Variants in SORCS2 observed in about 807,000 individuals in gnomAD.
The protein encoded by SORCS2 is sortilin related VPS10 domain containing receptor 2, also known as VPS10 domain-containing receptor SorCS2.
A neutral mutation model predicts 141.6 loss-of-function variants in SORCS2; 100 were observed. The ratio of observed to expected loss-of-function variants is 0.71; its 90% confidence interval spans 0.60 to 0.83. The LOEUF (loss-of-function observed/expected upper bound fraction) is 0.83. Ranked by LOEUF, SORCS2 falls within the 40% of genes least tolerant of loss-of-function variation. The pLI is 0.00. For missense variants in SORCS2, 1,646 were observed against 1,560.2 expected, an observed-to-expected ratio of 1.05 and a Z score of -0.93; for synonymous variants, 789 against 676.9, an observed-to-expected ratio of 1.17 and a Z score of -2.57.
intron 2 of SORCS2, among the ~76,000 whole-genome samples, chr4:7,402,515 C>T (rs1290127995): frequency 4.6e-5 from 7 of 152,134 alleles, no homozygotes; most frequent in Admixed American, 2.0e-4. Context: ...CCATGTAGCA[C>T]GTGTAATCTA....
intron 1 of SORCS2, among the ~76,000 whole-genome samples, chr4:7,342,546 G>C (rs1364038530): frequency 1.3e-5 from 2 of 152,116 alleles, no homozygotes; most frequent in Admixed American, 1.3e-4. Flanking sequence ...GCCAAGATGT[G>C]TCCTTTCACC....
At chr4:7,217,745 G>A (rs1476375204) in intron 1 of SORCS2, among the ~76,000 whole-genome samples, 1 of 152,202 alleles carries the variant, frequency 6.6e-6, no homozygotes, top group African/African-American at 2.4e-5. Context: ...AAGAGGAAAA[G>A]TCTCCAACTG....
chr4:7,554,221 T>C (rs1713939397), intron 3 of SORCS2, among the ~76,000 whole-genome samples: 2 of 152,202 alleles, frequency 1.3e-5, no homozygotes, highest in Admixed American at 1.3e-4. Flanking sequence ...CTGCACCCAC[T>C]TTCAAATACT....
chr4:7,362,792 C>T (rs1438722101), intron 1 of SORCS2, among the ~76,000 whole-genome samples: 1 of 151,772 alleles, frequency 6.6e-6, no homozygotes, highest in Non-Finnish European at 1.5e-5. Flanking sequence ...CTATTACCAT[C>T]ATGCCATCAC....
chr4:7,665,872 C>A (rs904604762), intron 7 of SORCS2, among the ~76,000 whole-genome samples: 5 of 152,186 alleles, frequency 3.3e-5, no homozygotes, highest in Non-Finnish European at 7.3e-5. Context: ...GCCTAAGACC[C>A]CCGGAGCTCA....
At chr4:7,550,771 T>C (rs4234825) in intron 3 of SORCS2, among the ~76,000 whole-genome samples, 146,870 of 152,300 alleles carry the variant, frequency 0.96, 71,025 homozygotes, top group South Asian at 1. Flanking sequence ...ATGGAGTCAT[T>C]TTACCAAACA....
At chr4:7,704,664 C>G (rs1298429349) in intron 14 of SORCS2, among the ~76,000 whole-genome samples, 1 of 152,246 alleles carries the variant, frequency 6.6e-6, no homozygotes, top group Non-Finnish European at 1.5e-5. Flanking sequence ...TCCTTCTGCT[C>G]AGCCCCAGCT....
In SORCS2 at chr4:7,714,222, C is replaced by G; in HGVS notation, c.1990-18C>G. 2 of 1,607,060 alleles carry G rather than the reference C, an allele frequency of 1.2e-6. No homozygotes were observed. Among genetic ancestry groups the G allele is most frequent in the African/African-American group, 1.3e-5 (1 of 74,954 alleles). On this transcript the variant is annotated intron_variant, in intron 15 of 26. Coordinates refer to ENST00000507866, the MANE Select transcript of SORCS2 (RefSeq NM_020777.3). ...GCCCTGTCTCAGGCAGCTCCTTACC[C>G]TGATGTTCCTGCTGCAGGGCGACCG...
chr4:7,255,336 T>C (rs1468399787), intron 1 of SORCS2, among the ~76,000 whole-genome samples: 1 of 152,132 alleles, frequency 6.6e-6, no homozygotes, highest in Admixed American at 6.5e-5. Flanking sequence ...GAGATCCTTG[T>C]TCATCTTCAT....
At chr4:7,593,756 C>A (rs1366980734) in intron 3 of SORCS2, among the ~76,000 whole-genome samples, 1 of 152,204 alleles carries the variant, frequency 6.6e-6, no homozygotes, top group Admixed American at 6.5e-5. Context: ...AGGACCACTG[C>A]AGCTGAGCGG....
chr4:7,637,147 C>G (rs533503203), intron 3 of SORCS2, among the ~76,000 whole-genome samples: 1 of 152,310 alleles, frequency 6.6e-6, no homozygotes, highest in Admixed American at 6.5e-5. Flanking sequence ...ACCCTATTTC[C>G]AAGTAAGATC....
At chr4:7,429,911 G>T (rs888646860) in intron 2 of SORCS2, among the ~76,000 whole-genome samples, 3 of 152,204 alleles carry the variant, frequency 2.0e-5, no homozygotes, top group South Asian at 2.1e-4. Context: ...CGGTGACTGT[G>T]GGAGGTGGGC....
chr4:7,235,243 C>T (rs535889286), intron 1 of SORCS2, among the ~76,000 whole-genome samples: 18 of 152,334 alleles, frequency 1.2e-4, no homozygotes, highest in African/African-American at 4.3e-4. Context: ...CCAGTTAGTA[C>T]CCCACCCTTC....
intron 4 of SORCS2, among the ~76,000 whole-genome samples, chr4:7,641,089 C>T (rs551567486): frequency 9.9e-4 from 151 of 152,314 alleles, no homozygotes; most frequent in African/African-American, 3.2e-3. Context: ...CCTGTGCCAC[C>T]GCAGGCCAGC....
chr4:7,676,333 C>G, intron 9 of SORCS2, 104 bp downstream of exon 9: 4 of 1,290,966 alleles, frequency 3.1e-6, no homozygotes. Context: ...GTCTATATAG[C>G]TGTCTCAAGG....
Position 7,393,348 on chromosome 4 carries a change from C to A in SORCS2, c.481-2940C>A, listed in dbSNP as rs192715455. Among the ~76,000 whole-genome samples, 49 of 152,236 alleles carry A rather than the reference C, an allele frequency of 3.2e-4. No homozygotes were observed. In the East Asian group the frequency reaches 8.1e-3, roughly 25 times the overall value. On this transcript the variant is annotated intron_variant, in intron 1 of 26. Coordinates refer to ENST00000507866, the MANE Select transcript of SORCS2 (RefSeq NM_020777.3). Reference sequence around the variant, plus strand: ...AAGAGCCCCAAGGCTAACACGTCAGCCACTGAAAAAAACTGTCCCGGGGAT... The same window carrying A: ...AAGAGCCCCAAGGCTAACACGTCAGACACTGAAAAAAACTGTCCCGGGGAT...
chr4:7,482,764 C>T (rs1190084962), intron 2 of SORCS2, among the ~76,000 whole-genome samples: 1 of 145,194 alleles, frequency 6.9e-6, no homozygotes, highest in Non-Finnish European at 1.5e-5. Context: ...CTGTTCAGAC[C>T]TGTATCCCCG....
At chr4:7,481,563 G>A (rs1730637023) in intron 2 of SORCS2, among the ~76,000 whole-genome samples, 1 of 152,184 alleles carries the variant, frequency 6.6e-6, no homozygotes, top group South Asian at 2.1e-4. Flanking sequence ...GGATGGTCCT[G>A]AATGTAACGT....
chr4:7,573,365 G>A (rs1183309637), intron 3 of SORCS2, among the ~76,000 whole-genome samples: 1 of 152,168 alleles, frequency 6.6e-6, no homozygotes, highest in Non-Finnish European at 1.5e-5. Context: ...CAAGACCTCG[G>A]TTACTGTGTG....
Sources: gnomAD v4.1 joint callset for allele counts (sites outside exome capture counted in the v4.1 genomes callset) on GRCh38, gnomAD v4.1.1 for gene constraint, MANE v1.5 for transcripts, NCBI Gene and HGNC (gene_info 2026-07-23, HGNC 2026-07-21) for gene names.